The following ROBO2 variants were observed in gnomAD, a reference collection of about 807,000 sequenced individuals.
ROBO2 encodes the protein roundabout homolog 2.
In ROBO2, 53 loss-of-function variants were observed where a neutral mutation model predicts 160.8. The ratio of observed to expected loss-of-function variants is 0.33; its 90% CI spans 0.26 to 0.41. The LOEUF is 0.41. Ranked by LOEUF, ROBO2 falls within the 10% of genes least tolerant of loss-of-function variation. The pLI is 1.00. For synonymous variants in ROBO2, 664 were observed against 611.7 expected (o/e 1.09, Z -1.26); for missense variants, 1,577 against 1,722.4 (o/e 0.92, Z 1.49).
At chr3:76,565,397 T>A (rs991410372) in intron 2 of ROBO2, among the ~76,000 whole-genome samples, 5 of 152,234 alleles carry the variant, frequency 3.3e-5, no homozygotes, top group Non-Finnish European at 7.3e-5. Flanking sequence ...CACAGAATCT[T>A]GAACAGTTTC....
chr3:76,525,735 C>A (rs1026480208), intron 2 of ROBO2, among the ~76,000 whole-genome samples: 24 of 151,988 alleles, frequency 1.6e-4, no homozygotes, highest in African/African-American at 5.8e-4. Flanking sequence ...TTGTATACAG[C>A]CTTCATAGTC....
At chr3:77,379,491 A>G (rs927035953) in intron 2 of ROBO2, among the ~76,000 whole-genome samples, 12 of 152,182 alleles carry the variant, frequency 7.9e-5, no homozygotes, top group African/African-American at 2.9e-4. Context: ...ACACCATCCT[A>G]CATTTGTCTA....
intron 2 of ROBO2, among the ~76,000 whole-genome samples, chr3:76,655,748 A>AGAAG (rs758912727): frequency 1.3e-5 from 2 of 148,366 alleles, no homozygotes; most frequent in Admixed American, 6.8e-5. Flanking sequence ...GAGGGAGGAA[A>AGAAG]GAAGGAAGGA....
chr3:77,105,108 G>GT (rs1192144808), intron 2 of ROBO2, among the ~76,000 whole-genome samples: 1 of 152,090 alleles, frequency 6.6e-6, no homozygotes. Flanking sequence ...ATATACTGAG[G>GT]TTTTTTCTTT....
At chr3:76,161,174 TA>T (rs774071229) in intron 2 of ROBO2, among the ~76,000 whole-genome samples, 191 of 146,276 alleles carry the variant, frequency 1.3e-3, no homozygotes, top group Middle Eastern at 6.9e-3. Context: ...ACCACTTAGT[TA>T]AAAAAAAAAA....
intron 2 of ROBO2, among the ~76,000 whole-genome samples, chr3:76,304,747 C>CTTCCTTCTTTCT (rs1553700107): frequency 9.1e-4 from 93 of 101,682 alleles, no homozygotes; most frequent in Admixed American, 6.2e-3. Flanking sequence ...CTTTTCTTTC[C>CTTCCTTCTTTCT]TTCTTTCTTT....
At chr3:76,264,883 T>G (rs992513492) in intron 2 of ROBO2, among the ~76,000 whole-genome samples, 2 of 152,184 alleles carry the variant, frequency 1.3e-5, no homozygotes, top group African/African-American at 4.8e-5. Flanking sequence ...CCACATTTGT[T>G]GCCACCTCAC....
intron 25 of ROBO2, among the ~76,000 whole-genome samples, chr3:77,645,686 A>G (rs2095406115): frequency 6.6e-6 from 1 of 152,176 alleles, no homozygotes; most frequent in Non-Finnish European, 1.5e-5. Flanking sequence ...TCAAAATTAT[A>G]AATTTCTTTA....
chr3:76,363,475 T>C (rs754054622), intron 2 of ROBO2, among the ~76,000 whole-genome samples: 3 of 152,124 alleles, frequency 2.0e-5, no homozygotes, highest in Non-Finnish European at 4.4e-5. Context: ...TTCATAAAGT[T>C]TTTAAGCATT....
In ROBO2 at chr3:76,832,961, CA is replaced by C. The variant is rs1156992001; in HGVS notation, c.110-265051del. Among the ~76,000 whole-genome samples, 7 of 152,158 alleles carry C rather than the reference CA, an allele frequency of 4.6e-5. No homozygotes were observed. In the East Asian group the frequency reaches 1.4e-3, roughly 29 times the overall value. Reference sequence around the variant, plus strand: ...TAAAATTAATCTGATTAGACTCATACAAGTCCAGGCACAATAAAAACAAAGG... The same window carrying C: ...TAAAATTAATCTGATTAGACTCATACAGTCCAGGCACAATAAAAACAAAGG... On this transcript the variant is annotated intron_variant, in intron 2 of 26. Transcript: ENST00000487694.
chr3:76,749,988 C>T (rs963462583), intron 2 of ROBO2, among the ~76,000 whole-genome samples: 2 of 152,042 alleles, frequency 1.3e-5, no homozygotes, highest in African/African-American at 2.4e-5. Flanking sequence ...GGCAGAGACA[C>T]AACAGAAAAA....
At chr3:77,553,317 C>T (rs2092990009) in intron 8 of ROBO2, among the ~76,000 whole-genome samples, 1 of 151,796 alleles carries the variant, frequency 6.6e-6, no homozygotes, top group Non-Finnish European at 1.5e-5. Context: ...TTTCTTTACC[C>T]ACTGGTTTCT....
intron 2 of ROBO2, among the ~76,000 whole-genome samples, chr3:76,271,851 A>G (rs1197114330): frequency 6.6e-6 from 1 of 152,040 alleles, no homozygotes; most frequent in Non-Finnish European, 1.5e-5. Flanking sequence ...CTCGATAAAT[A>G]CTAGTTCTTA....
intron 2 of ROBO2, among the ~76,000 whole-genome samples, chr3:77,395,675 C>T (rs1294785484): frequency 6.6e-6 from 1 of 151,984 alleles, no homozygotes; most frequent in Non-Finnish European, 1.5e-5. Flanking sequence ...TAAATGTAAT[C>T]GTGTATGATA....
chr3:76,348,247 C>G (rs1015463118), intron 2 of ROBO2, among the ~76,000 whole-genome samples: 3 of 152,238 alleles, frequency 2.0e-5, no homozygotes, highest in Non-Finnish European at 4.4e-5. Context: ...TGGGGAAGAA[C>G]AAAGATTGGG....
At chr3:76,187,459 G>A (rs1172457525) in intron 2 of ROBO2, among the ~76,000 whole-genome samples, 1 of 148,326 alleles carries the variant, frequency 6.7e-6, no homozygotes, top group Non-Finnish European at 1.5e-5. Context: ...ATGTTTTTTA[G>A]AAGTGAGGTC....
chr3:77,286,090 T>G (rs1002309050), intron 2 of ROBO2, among the ~76,000 whole-genome samples: 1 of 152,192 alleles, frequency 6.6e-6, no homozygotes, highest in Non-Finnish European at 1.5e-5. Flanking sequence ...TCTGCGCATA[T>G]GCATATAGCA....
chr3:76,503,450 G>T (rs951981317), intron 2 of ROBO2, among the ~76,000 whole-genome samples: 1 of 152,006 alleles, frequency 6.6e-6, no homozygotes, highest in African/African-American at 2.4e-5. Flanking sequence ...CTCACTACTG[G>T]GTATATATTC....
Position 77,432,098 on chromosome 3 carries a change from A to G in ROBO2, c.389-45316A>G, listed in dbSNP as rs372745037. 4.5e-4 allele frequency among the ~76,000 whole-genome samples: 69 copies of G among 152,258 alleles called. No homozygotes were observed. In the South Asian group the frequency reaches 0.014, roughly 31 times the overall value. ...ACTCTATGCCTCTAGCTTTTTTAGC[A>G]ATTTGGAATAAAATCTTTGGGATTT... On this transcript the variant is annotated intron_variant, in intron 2 of 25. Transcript: ENST00000461745.
Sources: allele counts gnomAD v4.1 joint callset (sites outside exome capture counted in the v4.1 genomes callset), GRCh38; gene constraint gnomAD v4.1.1; transcripts MANE v1.5; gene names NCBI Gene and HGNC (gene_info 2026-07-23, HGNC 2026-07-21).